Variants in DDI2 observed in about 807,000 individuals in gnomAD.
DDI2 encodes protein DDI1 homolog 2.
Under a neutral mutation model 48.1 loss-of-function variants are expected in DDI2, and 5 were observed. That is an observed-to-expected ratio of 0.10 (90% CI 0.05 to 0.22). The LOEUF (loss-of-function observed/expected upper bound fraction) is 0.22, where lower values mean the gene tolerates loss of function less well. Ranked by LOEUF, DDI2 falls within the 10% of genes least tolerant of loss-of-function variation. DDI2 has a pLI of 1.00. For synonymous variants in DDI2, 205 were observed against 183.6 expected (o/e 1.12, Z -0.94); for missense variants, 285 against 506.2 (o/e 0.56, Z 4.19).
At chr1:15,659,524 A>G (rs1640325967) in intron 9 of DDI2, among the ~76,000 whole-genome samples, 1 of 152,234 alleles carries the variant, frequency 6.6e-6, no homozygotes, top group South Asian at 2.1e-4. Flanking sequence ...AGACTAGGGA[A>G]TAAAGAAACA....
At chr1:15,619,560 C>T (rs1639622870) in intron 1 of DDI2, among the ~76,000 whole-genome samples, 1 of 151,156 alleles carries the variant, frequency 6.6e-6, no homozygotes, top group South Asian at 2.1e-4. Context: ...CTCCCGGGTT[C>T]GTGCCATTCT....
Position 15,630,313 on chromosome 1 carries a change from T to A in DDI2, c.269-12T>A, listed in dbSNP as rs1317231897. ...AGTAATTTGAGTAAACTGAATTGAT[T>A]TTCCCCAACAGACTTACCCCGAATA... On this transcript the variant is annotated splice_polypyrimidine_tract_variant and intron_variant, in intron 2 of 9. Coordinates refer to ENST00000480945, the MANE Select transcript of DDI2 (RefSeq NM_032341.5). 6.2e-7 allele frequency: 1 copy of A among 1,613,218 alleles called. No individual in the cohort carries two copies. The highest frequency in any genetic ancestry group is 1.1e-5 in the South Asian group (1 of 91,024).
intron 7 of DDI2, among the ~76,000 whole-genome samples, chr1:15,650,955 C>T (rs895755483): frequency 1.3e-4 from 20 of 152,216 alleles, no homozygotes; most frequent in East Asian, 1.9e-4. Flanking sequence ...CCTGGGTTCA[C>T]GCCATTCTCC....
chr1:15,641,189 T>C (rs1252626907), intron 5 of DDI2, among the ~76,000 whole-genome samples: 1 of 152,122 alleles, frequency 6.6e-6, no homozygotes, highest in Non-Finnish European at 1.5e-5. Flanking sequence ...ATGGTGCTAT[T>C]GGCCCAGTGC....
intron 1 of DDI2, among the ~76,000 whole-genome samples, chr1:15,618,294 T>C (rs867908943): frequency 6.7e-6 from 1 of 149,592 alleles, no homozygotes; most frequent in Admixed American, 6.7e-5. Context: ...TGCTTAAATA[T>C]ACGCAGTTTA....
chr1:15,649,318 C>T (rs910410386), intron 6 of DDI2, among the ~76,000 whole-genome samples: 7 of 151,644 alleles, frequency 4.6e-5, no homozygotes, highest in Admixed American at 6.6e-5. Flanking sequence ...GCCGAGATCA[C>T]GCCACTGCAC....
At chr1:15,644,318 C>G (rs1003362738) in intron 6 of DDI2, among the ~76,000 whole-genome samples, 1 of 152,274 alleles carries the variant, frequency 6.6e-6, no homozygotes, top group East Asian at 1.9e-4. Flanking sequence ...TTGTCTTCCT[C>G]TTTTTTATCT....
chr1:15,637,781 G>C (rs1639951494), intron 4 of DDI2, among the ~76,000 whole-genome samples: 2 of 152,138 alleles, frequency 1.3e-5, no homozygotes, highest in African/African-American at 4.8e-5. Flanking sequence ...TATGAGCACT[G>C]TATACTAGAT....
rs1241690837 is a variant in DDI2 at position 15,664,778 on chromosome 1, T to C, written c.*4988T>C. The C allele has an allele frequency of 6.6e-6, 1 of 152,236 alleles. No individual in the cohort carries two copies. Among genetic ancestry groups the C allele is most frequent in the Non-Finnish European group, 1.5e-5 (1 of 68,054 alleles). The allele number at this position is 152,236 out of a possible 1,614,324, so 9.4% of individuals were successfully genotyped here. ...GAGAGAGAAGATTTTCCTGTGTAAT[T>C]TGTGCCATTTCCCTGAAGTTGGTTC... is the stretch of plus-strand genomic sequence containing the variant. On this transcript the variant is annotated 3_prime_UTR_variant, in exon 10 of 10. Coordinates refer to ENST00000480945, the MANE Select transcript of DDI2 (RefSeq NM_032341.5).
rs761390721 is a variant in DDI2 at position 15,638,295 on chromosome 1, G to C, written c.633-12G>C. ...TAATGCTTTCAGTGTCCCTGGTCTTGTTCTGTTACAGGCAACAGAACATTG... is the reference window on the plus strand; with the variant it reads ...TAATGCTTTCAGTGTCCCTGGTCTTCTTCTGTTACAGGCAACAGAACATTG... On this transcript the variant is annotated splice_polypyrimidine_tract_variant and intron_variant, in intron 4 of 9. Coordinates refer to ENST00000480945, the MANE Select transcript of DDI2 (RefSeq NM_032341.5). 1 of 1,613,270 alleles carries C rather than the reference G, an allele frequency of 6.2e-7. No individual in the cohort carries two copies. Among genetic ancestry groups the C allele is most frequent in the Non-Finnish European group, 8.5e-7 (1 of 1,179,642 alleles).
chr1:15,656,787 C>G (rs574259282), intron 9 of DDI2, 108 bp downstream of exon 9: 9 of 1,500,754 alleles, frequency 6.0e-6, no homozygotes, highest in African/African-American at 1.4e-5. Flanking sequence ...ACCATTTCAC[C>G]TTGTTCAATC....
chr1:15,638,159 C>A, intron 4 of DDI2, 148 bp from the exon 5 acceptor site: 1 of 995,010 alleles, frequency 1.0e-6, no homozygotes, highest in Non-Finnish European at 1.5e-6. Flanking sequence ...GATCTCTTGC[C>A]CCATATAGCA....
In DDI2 at chr1:15,661,164, T is replaced by G; in HGVS notation, c.*1374T>G. The G allele has an allele frequency of 1.2e-6, 2 of 1,614,124 alleles. No individual in the cohort carries two copies. The highest frequency in any genetic ancestry group is 1.7e-6 in the Non-Finnish European group (2 of 1,180,020). On this transcript the variant is annotated 3_prime_UTR_variant, in exon 10 of 10. Transcript: ENST00000480945. The stretch of plus-strand genomic sequence containing the variant: ...TGGAGACAGAAAAATTAACAGGTAC[T>G]TCATCTGACACTGGAAGAGAAGCTG...
chr1:15,646,088 C>T (rs1433914919), intron 6 of DDI2, among the ~76,000 whole-genome samples: 3 of 152,170 alleles, frequency 2.0e-5, no homozygotes, highest in South Asian at 2.1e-4. Context: ...TTAAGAGTGC[C>T]TCTGTTTCAC....
At position 15,660,931 on chromosome 1, in the gene DDI2, G is replaced by C; in HGVS notation, c.*1141G>C. On this transcript the variant is annotated 3_prime_UTR_variant, in exon 10 of 10. Coordinates refer to ENST00000480945, the MANE Select transcript of DDI2 (RefSeq NM_032341.5). ...AGAATCTTGCCCGTCTATAACGGCA[G>C]CCTTGAAAGAACTTCATGAACTTTT... The C allele has an allele frequency of 1.2e-6, 2 of 1,613,380 alleles. No individual in the cohort carries two copies. The highest frequency in any genetic ancestry group is 1.7e-6 in the Non-Finnish European group (2 of 1,179,708).
intron 8 of DDI2, 92 bp downstream of exon 8, chr1:15,651,987 T>G (rs1262421119): frequency 2.3e-6 from 3 of 1,320,152 alleles, no homozygotes; most frequent in Non-Finnish European, 2.0e-6. Context: ...CTTTCCAGTT[T>G]TTAATTAGTC....
chr1:15,635,470 A>G (rs1213696205), intron 4 of DDI2, among the ~76,000 whole-genome samples: 1 of 152,088 alleles, frequency 6.6e-6, no homozygotes, highest in Non-Finnish European at 1.5e-5. Flanking sequence ...CAGTGGCACG[A>G]TCTCGGCTCA....
chr1:15,657,332 G>C (rs771953879), intron 9 of DDI2, among the ~76,000 whole-genome samples: 1 of 152,232 alleles, frequency 6.6e-6, no homozygotes, highest in African/African-American at 2.4e-5. Context: ...TTTTAAACCA[G>C]CATCATAAGA....
At position 15,660,912 on chromosome 1, in the gene DDI2, T is replaced by C. The variant is rs1269488006; in HGVS notation, c.*1122T>C. ...CTTCTGTGGAGTCAGCAGAAGAATC[T>C]TGCCCGTCTATAACGGCAGCCTTGA... On this transcript the variant is annotated 3_prime_UTR_variant, in exon 10 of 10. Transcript: ENST00000480945. 1 of 1,613,830 alleles carries C rather than the reference T, an allele frequency of 6.2e-7. No individual in the cohort carries two copies. Among genetic ancestry groups the C allele is most frequent in the Non-Finnish European group, 8.5e-7 (1 of 1,179,992 alleles).
Sources: gnomAD v4.1 joint callset for allele counts (sites outside exome capture counted in the v4.1 genomes callset) on GRCh38, gnomAD v4.1.1 for gene constraint, MANE v1.5 for transcripts, NCBI Gene and HGNC (gene_info 2026-07-23, HGNC 2026-07-21) for gene names.